The following LRP4 variants were observed in gnomAD, a reference collection of about 807,000 sequenced individuals.
LRP4 encodes low-density lipoprotein receptor-related protein 4.
LRP4 carries 95 observed loss-of-function variants against 220.3 expected under a neutral mutation model. That is an observed-to-expected ratio of 0.43 (90% CI 0.37 to 0.51). The LOEUF (loss-of-function observed/expected upper bound fraction) is 0.51, where lower values mean the gene tolerates loss of function less well. LRP4 is among the 20% of genes least tolerant of loss of function. LRP4 has a pLI of 0.00. For synonymous variants in LRP4, 903 were observed against 954.6 expected (o/e 0.95, Z 1.00); for missense variants, 1,925 against 2,567.0 (o/e 0.75, Z 5.40).
intron 31 of LRP4, 59 bp downstream of exon 31, chr11:46,871,466 G>T: frequency 8.4e-7 from 1 of 1,185,640 alleles, no homozygotes; most frequent in Non-Finnish European, 1.2e-6. Flanking sequence ...TGCTGACTTA[G>T]AACCCCAAAG....
At chr11:46,889,629 G>A in intron 15 of LRP4, 96 bp from the exon 16 acceptor site, 1 of 1,515,262 alleles carries the variant, frequency 6.6e-7, no homozygotes, top group Non-Finnish European at 9.1e-7. Flanking sequence ...ATAGTTCCCT[G>A]AAGGGAGAAA....
At position 46,896,325 on chromosome 11, in the gene LRP4, T is replaced by A; in HGVS notation, c.933A>T (p.Gln311His). ...EENCENTGSP[Q>H]CALDQFLCWN... The stretch of plus-strand genomic sequence containing the variant: ...AACACAGGAACTGGTCCAAGGCACA[T>A]TGGGGGCTTCCTAGAGAGATGGAGG... Residue 311 changes from glutamine (Q) to histidine (H), a missense_variant, in exon 9 of 38, where the codon CAA becomes CAT. Gln to His is a conservative substitution (Grantham distance 24, BLOSUM62 0). Around this residue, in one of 3 missense-constraint regions of LRP4, gnomAD observed 412 missense variants for 505.4 expected, o/e 0.82. Transcript: ENST00000378623. The A allele has an allele frequency of 6.2e-7, 1 of 1,613,796 alleles. No homozygotes were observed. Among genetic ancestry groups the A allele is most frequent in the Middle Eastern group, 1.6e-4 (1 of 6,062 alleles).
intron 1 of LRP4, among the ~76,000 whole-genome samples, chr11:46,917,780 C>G (rs1941971166): frequency 6.6e-6 from 1 of 152,152 alleles, no homozygotes; most frequent in African/African-American, 2.4e-5. Flanking sequence ...TGCCCCAGAG[C>G]CCCTTGGTGG....
chr11:46,901,894 G>A lies in LRP4; in HGVS notation c.199+889C>T, dbSNP rs984365911. ...ACCTCAGGTGCCTGCCACCACGCCC[G>A]GCTAATTTTTTTGTATTTTTAATAG... On this transcript the variant is annotated intron_variant, in intron 2 of 37. Coordinates refer to ENST00000378623, the MANE Select transcript of LRP4 (RefSeq NM_002334.4). Among the ~76,000 whole-genome samples, 13 of 151,876 alleles carry A rather than the reference G, an allele frequency of 8.6e-5. No homozygotes were observed. The East Asian group carries it at 9.8e-4, about 11-fold the overall frequency.
intron 8 of LRP4, among the ~76,000 whole-genome samples, 162 bp downstream of exon 8, chr11:46,896,706 TC>T: frequency 6.6e-6 from 1 of 152,340 alleles, no homozygotes; most frequent in East Asian, 1.9e-4. Context: ...AACTCGCAGC[TC>T]TGATACTGTG....
chr11:46,874,473 T>C (rs928459481), intron 28 of LRP4: 7 of 306,214 alleles, frequency 2.3e-5, no homozygotes, highest in Non-Finnish European at 3.6e-5. Context: ...ACTGGTTATA[T>C]GGCCTACTCA....
At chr11:46,892,340 C>T (rs916356591) in intron 13 of LRP4, among the ~76,000 whole-genome samples, 4 of 152,072 alleles carry the variant, frequency 2.6e-5, no homozygotes, top group African/African-American at 4.8e-5. Context: ...AATAAAAATA[C>T]GAAACACCTA....
At chr11:46,903,376 C>T (rs2134870948) in intron 1 of LRP4, among the ~76,000 whole-genome samples, 1 of 152,226 alleles carries the variant, frequency 6.6e-6, no homozygotes, top group South Asian at 2.1e-4. Context: ...TGCCTGTAGT[C>T]CCAGCTACTT....
At chr11:46,917,762 G>A (rs1020373680) in intron 1 of LRP4, among the ~76,000 whole-genome samples, 2 of 152,094 alleles carry the variant, frequency 1.3e-5, no homozygotes, top group African/African-American at 4.8e-5. Context: ...GATGCTGCCC[G>A]CAAACAGTGC....
intron 31 of LRP4, among the ~76,000 whole-genome samples, chr11:46,870,825 A>G (rs531294326): frequency 6.6e-6 from 1 of 152,320 alleles, no homozygotes; most frequent in South Asian, 2.1e-4. Context: ...GTGACAGCTA[A>G]TAATAATTAA....
At chr11:46,870,851 C>T (rs1037075540) in intron 31 of LRP4, among the ~76,000 whole-genome samples, 2 of 152,190 alleles carry the variant, frequency 1.3e-5, no homozygotes, top group African/African-American at 4.8e-5. Context: ...GTAGCGATAA[C>T]ATGTATGTGG....
In LRP4 at chr11:46,899,496, G is replaced by A; in HGVS notation, c.438C>T (p.Arg146=). 1 of 1,611,736 alleles carries A rather than the reference G, an allele frequency of 6.2e-7. No homozygotes were observed. The highest frequency in any genetic ancestry group is 8.5e-7 in the Non-Finnish European group (1 of 1,178,292). The change falls in exon 5 of 38, where the codon CGC becomes CGT. Residue 146 remains arginine, a synonymous_variant. Transcript: ENST00000378623. This position sits in a 1 kb window ranked among gnomAD's most constrained non-coding sequence, Gnocchi z 5.9. Reference sequence around the variant, plus strand: ...AGCGGAACTCCTTGTCGGAGCACTTGCGCATGTCTGGGGGGATGCGATGGG... The same window carrying A: ...AGCGGAACTCCTTGTCGGAGCACTTACGCATGTCTGGGGGGATGCGATGGG... ...GDNSDEQCDM[R]KCSDKEFRCS...
In LRP4 at chr11:46,899,905, C is replaced by T. The variant is rs765113454; in HGVS notation, c.388G>A (p.Asp130Asn). 1.2e-6 allele frequency: 2 copies of T among 1,614,006 alleles called. No homozygotes were observed. The highest frequency in any genetic ancestry group is 1.1e-5 in the South Asian group (1 of 91,090). Reference sequence around the variant, plus strand: ...TTGTCGCCACAGTCATTGTCACCATCGCAGTGCCACAGACTCCGGATGCAG... The same window carrying T: ...TTGTCGCCACAGTCATTGTCACCATTGCAGTGCCACAGACTCCGGATGCAG... ...GYCIRSLWHC[D>N]GDNDCGDNSD... Residue 130 changes from aspartate to asparagine, a missense_variant, in exon 4 of 38, where the codon GAT becomes AAT. Asp to Asn is a conservative substitution (Grantham distance 23). Transcript: ENST00000378623. The surrounding 1 kb of genome is among the most constrained non-coding windows in gnomAD (Gnocchi z 5.9).
rs865908704 is a variant in LRP4, at chr11:46,898,000, G to T, written c.796+558C>A. On this transcript the variant is annotated intron_variant, in intron 7 of 37. Coordinates refer to ENST00000378623, the MANE Select transcript of LRP4 (RefSeq NM_002334.4). ...CGGACGGGGCGGCTGGCCGGGCGGGGGGCTGACCCCCCAACCTCCCTCCCG... is the reference window on the plus strand; with the variant it reads ...CGGACGGGGCGGCTGGCCGGGCGGGTGGCTGACCCCCCAACCTCCCTCCCG... 5.6e-3 allele frequency among the ~76,000 whole-genome samples: 801 copies of T among 142,486 alleles called. 7 individuals carry two copies. The highest frequency in any genetic ancestry group is 0.02 in the African/African-American group (760 of 37,908). 93.5% of individuals were successfully genotyped at this position (142,486 alleles called of 152,430 possible). A position where few individuals can be genotyped will look rare whatever the true frequency, so the allele number is the denominator to read the frequency against.
At chr11:46,866,781 A>G (rs1398513559) in intron 34 of LRP4, among the ~76,000 whole-genome samples, 2 of 152,128 alleles carry the variant, frequency 1.3e-5, no homozygotes, top group African/African-American at 4.8e-5. Flanking sequence ...TTAGCCAGGC[A>G]TAGTGGCACA....
rs1941637145 is a variant in LRP4 at position 46,900,188 on chromosome 11, G to C, written c.316+74C>G. On this transcript the variant is annotated intron_variant, in intron 3 of 37. Coordinates refer to ENST00000378623, the MANE Select transcript of LRP4 (RefSeq NM_002334.4). ...ACACAAGGGCTCATGTGGACCTGGGGCATTGCTTTCTGATTGAAAATCCTT... is the reference window on the plus strand; with the variant it reads ...ACACAAGGGCTCATGTGGACCTGGGCCATTGCTTTCTGATTGAAAATCCTT... The C allele has an allele frequency of 9.6e-6, 11 of 1,146,756 alleles. No homozygotes were observed. In the South Asian group the frequency reaches 1.3e-4, roughly 14 times the overall value. The allele number at this position is 1,146,756 out of a possible 1,614,324, so 71.0% of individuals were successfully genotyped here. A position where few individuals can be genotyped will look rare whatever the true frequency, so the allele number is the denominator to read the frequency against.
intron 22 of LRP4, among the ~76,000 whole-genome samples, chr11:46,878,587 T>C (rs1345182712): frequency 6.6e-6 from 1 of 152,126 alleles, no homozygotes; most frequent in Admixed American, 6.5e-5. Context: ...AGTGTCTTAT[T>C]CCAACCAAAT....
chr11:46,905,427 A>C lies in LRP4; in HGVS notation c.53-2498T>G, dbSNP rs865953621. On this transcript the variant is annotated intron_variant, in intron 1 of 37. Transcript: ENST00000378623. ...GTGAAGAAAAAGGATAAGGCTAATAAGGATCTCAACTGGGGATATTTTGTC... is the reference window on the plus strand; with the variant it reads ...GTGAAGAAAAAGGATAAGGCTAATACGGATCTCAACTGGGGATATTTTGTC... Among the ~76,000 whole-genome samples, 3 of 152,348 alleles carry C rather than the reference A, an allele frequency of 2.0e-5. No homozygotes were observed. In the South Asian group the frequency reaches 6.2e-4, roughly 32 times the overall value.
intron 18 of LRP4, among the ~76,000 whole-genome samples, chr11:46,884,459 G>A (rs959802772): frequency 6.6e-6 from 1 of 151,926 alleles, no homozygotes; most frequent in African/African-American, 2.4e-5. Flanking sequence ...AAAATTGGCC[G>A]GGCGCAGTGG....
Sources: allele counts gnomAD v4.1 joint callset (sites outside exome capture counted in the v4.1 genomes callset), GRCh38; gene constraint gnomAD v4.1.1; regional missense constraint gnomAD v4.1.1; non-coding constraint Gnocchi (gnomAD v3.1); transcripts MANE v1.5; gene names NCBI Gene and HGNC (gene_info 2026-07-23, HGNC 2026-07-21).